Variants in FHOD3 observed in about 807,000 individuals in gnomAD.
FHOD3 encodes FH1/FH2 domain-containing protein 3.
In FHOD3, 90 loss-of-function variants were observed where a neutral mutation model predicts 173.0. The ratio of observed to expected loss-of-function variants is 0.52; its 90% confidence interval spans 0.44 to 0.62. The LOEUF is 0.62. Ranked by LOEUF, FHOD3 falls within the 20% of genes least tolerant of loss-of-function variation. The pLI, the probability that FHOD3 is intolerant of heterozygous loss-of-function variation, is 0.00. For missense variants in FHOD3, 1,945 were observed against 2,034.7 expected, an observed-to-expected ratio of 0.96 and a Z score of 0.85; for synonymous variants, 828 against 823.0, an observed-to-expected ratio of 1.01 and a Z score of -0.10.
chr18:36,674,259 A>G (rs549433371), intron 14 of FHOD3, among the ~76,000 whole-genome samples: 3 of 152,372 alleles, frequency 2.0e-5, no homozygotes, highest in African/African-American at 7.2e-5. Flanking sequence ...GCCTCAGTGC[A>G]GTGACAGCCT....
chr18:36,699,491 A>G (rs937313360), intron 17 of FHOD3, among the ~76,000 whole-genome samples: 1 of 152,210 alleles, frequency 6.6e-6, no homozygotes, highest in African/African-American at 2.4e-5. Context: ...TGTCAGGACA[A>G]TGAGGGTTCT....
chr18:36,347,773 A>G (rs1196016325), intron 1 of FHOD3, among the ~76,000 whole-genome samples: 1 of 152,258 alleles, frequency 6.6e-6, no homozygotes. Context: ...TTCTTCTGAT[A>G]TCATGTGAAT....
chr18:36,687,129 C>A lies in FHOD3; in HGVS notation c.1972C>A (p.Arg658=). 6.2e-7 allele frequency: 1 copy of A among 1,607,132 alleles called. No homozygotes were observed. Among genetic ancestry groups the A allele is most frequent in the South Asian group, 1.1e-5 (1 of 90,366 alleles). ...GTTTGTTCTACATATTTCCATTAGC[C>A]GAGATTATTTAGACAAAAGAGAGGA... is the stretch of plus-strand genomic sequence containing the variant. The part of the protein sequence containing the change: ...IEREERNKFS[R]DYLDKREEQR... The change falls in exon 16 of 29, where the codon CGA becomes AGA. Residue 658 remains arginine, a splice_region_variant and synonymous_variant. Coordinates refer to ENST00000590592, the MANE Select transcript of FHOD3 (RefSeq NM_001281740.3).
chr18:36,628,719 C>G (rs1383170336), intron 10 of FHOD3, among the ~76,000 whole-genome samples: 1 of 152,182 alleles, frequency 6.6e-6, no homozygotes, highest in Non-Finnish European at 1.5e-5. Context: ...GGGAAAAAAT[C>G]TTAGTGCTAG....
intron 28 of FHOD3, 110 bp downstream of exon 28, chr18:36,769,536 C>T: frequency 1.5e-6 from 2 of 1,379,210 alleles, no homozygotes; most frequent in Non-Finnish European, 9.8e-7. Context: ...GTCAGTGGCT[C>T]CCAGAGTGCC....
chr18:36,380,561 T>TC (rs1215543552), intron 3 of FHOD3, among the ~76,000 whole-genome samples: 186 of 108,104 alleles, frequency 1.7e-3, no homozygotes, highest in Middle Eastern at 4.2e-3. Flanking sequence ...TGTTTTCTTT[T>TC]CTTTTCTTTT....
intron 7 of FHOD3, among the ~76,000 whole-genome samples, chr18:36,601,199 T>C (rs1435534390): frequency 1.3e-5 from 2 of 152,206 alleles, no homozygotes; most frequent in African/African-American, 4.8e-5. Flanking sequence ...TTGTGCTCAG[T>C]TAGCAAGGGT....
chr18:36,647,566 T>A (rs1030610140), intron 10 of FHOD3, among the ~76,000 whole-genome samples: 2 of 152,324 alleles, frequency 1.3e-5, no homozygotes, highest in Middle Eastern at 3.4e-3. Flanking sequence ...AACCCAAGCA[T>A]ATCTTATGAC....
At chr18:36,565,534 T>G (rs572036848) in intron 5 of FHOD3, among the ~76,000 whole-genome samples, 2 of 152,136 alleles carry the variant, frequency 1.3e-5, no homozygotes, top group Non-Finnish European at 2.9e-5. Context: ...CACAGATCAT[T>G]CCTCCCAAAA....
chr18:36,470,225 A>T (rs1441731140), intron 3 of FHOD3, among the ~76,000 whole-genome samples: 1 of 152,190 alleles, frequency 6.6e-6, no homozygotes, highest in Non-Finnish European at 1.5e-5. Context: ...GCAGACCCCC[A>T]TCCGGTTTTG....
chr18:36,533,516 T>C (rs1417438227), intron 5 of FHOD3, among the ~76,000 whole-genome samples: 1 of 152,204 alleles, frequency 6.6e-6, no homozygotes, highest in African/African-American at 2.4e-5. Context: ...GTAGGTGGCA[T>C]GGAATGGACT....
intron 17 of FHOD3, among the ~76,000 whole-genome samples, chr18:36,702,105 A>G (rs1180604185): frequency 6.6e-6 from 1 of 152,234 alleles, no homozygotes; most frequent in Non-Finnish European, 1.5e-5. Context: ...TCCTCATGCA[A>G]CTATTCCTGT....
chr18:36,338,026 G>C (rs2045413906), intron 1 of FHOD3, among the ~76,000 whole-genome samples: 1 of 152,186 alleles, frequency 6.6e-6, no homozygotes, highest in Non-Finnish European at 1.5e-5. Context: ...AGGGCTGTCT[G>C]GTCACAGAGT....
chr18:36,537,089 T>C (rs905835664), intron 5 of FHOD3, among the ~76,000 whole-genome samples: 2 of 152,206 alleles, frequency 1.3e-5, no homozygotes, highest in Non-Finnish European at 2.9e-5. Flanking sequence ...TGCTTGTCTG[T>C]TGCATCAGGC....
At chr18:36,423,578 A>G (rs1432359172) in intron 3 of FHOD3, among the ~76,000 whole-genome samples, 1 of 152,216 alleles carries the variant, frequency 6.6e-6, no homozygotes, top group Non-Finnish European at 1.5e-5. Context: ...TTGCCTTATT[A>G]TAGTGAACAA....
intron 1 of FHOD3, among the ~76,000 whole-genome samples, chr18:36,344,242 G>A (rs1385690341): frequency 6.6e-6 from 1 of 152,176 alleles, no homozygotes; most frequent in Non-Finnish European, 1.5e-5. Flanking sequence ...TAGAAGCACA[G>A]AAATGCAGGA....
intron 17 of FHOD3, among the ~76,000 whole-genome samples, chr18:36,704,397 C>G (rs531037131): frequency 3.3e-5 from 5 of 152,312 alleles, no homozygotes; most frequent in African/African-American, 1.2e-4. Context: ...TCCAAATGCA[C>G]GCCCACTGCT....
At chr18:36,661,276 A>G (rs1240286336) in intron 14 of FHOD3, among the ~76,000 whole-genome samples, 3 of 152,190 alleles carry the variant, frequency 2.0e-5, no homozygotes, top group African/African-American at 4.8e-5. Flanking sequence ...TTCTTTGGAT[A>G]TCACCCATAA....
At chr18:36,585,744 C>A (rs1407902307) in intron 6 of FHOD3, among the ~76,000 whole-genome samples, 1 of 152,142 alleles carries the variant, frequency 6.6e-6, no homozygotes, top group Non-Finnish European at 1.5e-5. Flanking sequence ...AAGGGTGCAC[C>A]TTTGACTCTT....
Sources: gnomAD v4.1 joint callset for allele counts (sites outside exome capture counted in the v4.1 genomes callset) on GRCh38, gnomAD v4.1.1 for gene constraint, MANE v1.5 for transcripts, NCBI Gene and HGNC (gene_info 2026-07-23, HGNC 2026-07-21) for gene names.